Variants in ANGEL2 observed in about 807,000 individuals in gnomAD.
The protein encoded by ANGEL2 is angel homolog 2, also known as RNA 2',3'-cyclic phosphatase ANGEL2.
ANGEL2 carries 41 observed loss-of-function variants against 66.0 expected under a neutral mutation model. The ratio of observed to expected loss-of-function variants is 0.62; its 90% CI spans 0.48 to 0.81. ANGEL2 has a LOEUF of 0.81. ANGEL2 is among the 30% of genes least tolerant of loss of function. The pLI is 0.00. For missense variants in ANGEL2, 561 were observed against 641.6 expected (o/e 0.87, Z 1.36); for synonymous variants, 208 against 226.5 (o/e 0.92, Z 0.73).
intron 2 of ANGEL2, among the ~76,000 whole-genome samples, chr1:213,010,224 T>G (rs187629881): frequency 6.6e-6 from 1 of 152,152 alleles, no homozygotes; most frequent in East Asian, 1.9e-4. Flanking sequence ...CTAAGGCCAA[T>G]TGTACTGGCT....
intron 2 of ANGEL2, among the ~76,000 whole-genome samples, chr1:213,009,582 C>T (rs2076441096): frequency 6.6e-6 from 1 of 152,134 alleles, no homozygotes; most frequent in Non-Finnish European, 1.5e-5. Context: ...TTAAAATATC[C>T]TATACACTTA....
rs200155741 is a variant in ANGEL2 at position 212,995,234 on chromosome 1, C to T, written c.1484-42G>A. On this transcript the variant is annotated intron_variant, in intron 8 of 8. Transcript: ENST00000366962. Reference sequence around the variant, plus strand: ...CACACATATTTAGTAAAATTGTCAACGGGTTATTGTAAATTAATCATACAA... The same window carrying T: ...CACACATATTTAGTAAAATTGTCAATGGGTTATTGTAAATTAATCATACAA... 1,451 of 1,544,074 alleles carry T rather than the reference C, an allele frequency of 9.4e-4. 7 individuals are homozygous for T. The highest frequency in any genetic ancestry group is 2.2e-3 in the Middle Eastern group (13 of 5,786).
At chr1:212,996,392 G>C (rs913214097) in intron 8 of ANGEL2, among the ~76,000 whole-genome samples, 1 of 151,652 alleles carries the variant, frequency 6.6e-6, no homozygotes, top group Non-Finnish European at 1.5e-5. Flanking sequence ...CTGGGAGGCC[G>C]AGGTGGACGG....
chr1:213,000,738 G>A (rs752905174), intron 6 of ANGEL2, 48 bp downstream of exon 6: 4 of 1,542,636 alleles, frequency 2.6e-6, no homozygotes, highest in Non-Finnish European at 3.5e-6. Flanking sequence ...GTCTTCAAAG[G>A]GAACATGATT....
At chr1:213,003,143 T>A (rs2076223730) in intron 5 of ANGEL2, among the ~76,000 whole-genome samples, 1 of 152,180 alleles carries the variant, frequency 6.6e-6, no homozygotes, top group African/African-American at 2.4e-5. Flanking sequence ...CTTCAAAAAA[T>A]TGAAGAGACT....
chr1:213,015,047 A>G (rs562879383), intron 1 of ANGEL2: 1 of 926,168 alleles, frequency 1.1e-6, no homozygotes, highest in African/African-American at 1.8e-5. Context: ...AAACTGAGTC[A>G]ATTTAAAGAA....
At chr1:213,001,234 T>C (rs2076169968) in intron 5 of ANGEL2, 1 of 271,406 alleles carries the variant, frequency 3.7e-6, no homozygotes, top group Non-Finnish European at 7.0e-6. Flanking sequence ...GTATCAAATA[T>C]AGGCATGCTC....
At chr1:213,007,351 T>A (rs779324475) in intron 3 of ANGEL2, among the ~76,000 whole-genome samples, 153 bp from the exon 4 acceptor site, 7 of 152,214 alleles carry the variant, frequency 4.6e-5, no homozygotes, top group Non-Finnish European at 1.0e-4. Flanking sequence ...TTGTTATAGA[T>A]CTACCAAATT....
chr1:213,009,836 A>G (rs1408969374), intron 2 of ANGEL2, among the ~76,000 whole-genome samples: 1 of 151,706 alleles, frequency 6.6e-6, no homozygotes, highest in Admixed American at 6.6e-5. Flanking sequence ...GGATCACCTG[A>G]GGTCAGGAGT....
chr1:213,000,451 T>C, intron 6 of ANGEL2, 68 bp from the exon 7 acceptor site: 1 of 1,342,062 alleles, frequency 7.5e-7, no homozygotes, highest in Non-Finnish European at 1.1e-6. Flanking sequence ...CATCTTACTC[T>C]AGAAACAATA....
Position 213,005,214 on chromosome 1 carries a change from C to T in ANGEL2, c.953G>A (p.Gly318Asp), listed in dbSNP as rs1261970623. ...TGCCAATTGCGTCAGCTTAATATCA[C>T]CTCGCCTTGGATTATACAACAGATG... is the stretch of plus-strand genomic sequence containing the variant. ...NTHLLYNPRR[G>D]DIKLTQLAML... Residue 318 changes from glycine (G) to aspartate (D), a missense_variant, in exon 5 of 9, where the codon GGT becomes GAT. Coordinates refer to ENST00000366962, the MANE Select transcript of ANGEL2 (RefSeq NM_144567.5). The T allele has an allele frequency of 1.2e-6, 2 of 1,614,128 alleles. No individual in the cohort carries two copies. The highest frequency in any genetic ancestry group is 1.7e-6 in the Non-Finnish European group (2 of 1,180,052).
At chr1:213,013,011 G>T in intron 2 of ANGEL2, 82 bp downstream of exon 2, 1 of 1,404,800 alleles carries the variant, frequency 7.1e-7, no homozygotes, top group Non-Finnish European at 9.7e-7. Flanking sequence ...AACCTTAGGA[G>T]GTTTAAAGGA....
chr1:213,008,176 T>C (rs1474928552), intron 3 of ANGEL2, 34 bp downstream of exon 3: 2 of 1,597,648 alleles, frequency 1.3e-6, no homozygotes, highest in Admixed American at 1.7e-5. Context: ...AACTTTTTCT[T>C]ATGTGAAGAA....
intron 1 of ANGEL2, chr1:213,015,161 A>T: frequency 9.9e-7 from 1 of 1,005,374 alleles, no homozygotes; most frequent in Non-Finnish European, 1.2e-6. Flanking sequence ...ATCAACAAAA[A>T]TCAAGCCCCT....
rs1239916419 is a variant in ANGEL2, at chr1:212,997,155, C to G, written c.1483G>C (p.Gly495Arg). Residue 495 changes from glycine (G) to arginine (R), a missense_variant and splice_region_variant, in exon 8 of 9, where the codon GGA becomes CGA. Transcript: ENST00000366962. The stretch of plus-strand genomic sequence containing the variant: ...ATTTAAGATTACATGCATTCCTTAC[C>G]TGGGTGCCCAGCAACATCTTCCTTT... The part of the protein sequence containing the change: ...AEKEDVAGHP[G>R]AEVALVGGLK... 2 of 1,611,820 alleles carry G rather than the reference C, an allele frequency of 1.2e-6. No homozygotes were observed. Among genetic ancestry groups the G allele is most frequent in the Non-Finnish European group, 1.7e-6 (2 of 1,178,342 alleles).
At chr1:212,999,648 T>G (rs1455572801) in intron 7 of ANGEL2, among the ~76,000 whole-genome samples, 1 of 152,190 alleles carries the variant, frequency 6.6e-6, no homozygotes, top group Non-Finnish European at 1.5e-5. Flanking sequence ...AATCAAGATA[T>G]TTCAAGAATC....
chr1:212,996,634 AAAAAAAATATATATATATATATAT>A (rs2076020139), intron 8 of ANGEL2, among the ~76,000 whole-genome samples: 1 of 49,202 alleles, frequency 2.0e-5, no homozygotes, highest in Non-Finnish European at 5.5e-5. Context: ...AAAAAAAAAA[AAAAAAAATATATATATATATATAT>A]ATATATATAT....
intron 7 of ANGEL2, 90 bp downstream of exon 7, chr1:213,000,236 C>T (rs1404925766): frequency 2.1e-5 from 27 of 1,285,572 alleles, no homozygotes; most frequent in Non-Finnish European, 2.8e-5. Context: ...ATACTATCAC[C>T]TTCATTTTTT....
intron 8 of ANGEL2, among the ~76,000 whole-genome samples, chr1:212,996,256 G>T (rs891164351): frequency 6.6e-6 from 1 of 152,156 alleles, no homozygotes; most frequent in Non-Finnish European, 1.5e-5. Context: ...GCAGTGAGCT[G>T]AGATAGCGCC....
Sources: gnomAD v4.1 joint callset for allele counts (sites outside exome capture counted in the v4.1 genomes callset) on GRCh38, gnomAD v4.1.1 for gene constraint, MANE v1.5 for transcripts, NCBI Gene and HGNC (gene_info 2026-07-23, HGNC 2026-07-21) for gene names.